The following EMSY variants were observed in gnomAD, a reference collection of about 807,000 sequenced individuals.
EMSY encodes BRCA2-interacting transcriptional repressor EMSY.
In EMSY, 26 loss-of-function variants were observed where a neutral mutation model predicts 134.6. The ratio of observed to expected loss-of-function variants is 0.19; its 90% CI spans 0.14 to 0.27. EMSY has a LOEUF of 0.27. Ranked by LOEUF, EMSY falls within the 10% of genes least tolerant of loss-of-function variation. EMSY has a pLI of 1.00. For missense variants in EMSY, 1,305 were observed against 1,611.4 expected, an observed-to-expected ratio of 0.81 and a Z score of 3.26; for synonymous variants, 579 against 577.8, an observed-to-expected ratio of 1.00 and a Z score of -0.03.
At chr11:76,515,855 A>G (rs1172430779) in intron 10 of EMSY, among the ~76,000 whole-genome samples, 2 of 152,248 alleles carry the variant, frequency 1.3e-5, no homozygotes, top group African/African-American at 4.8e-5. Flanking sequence ...GAAGAAGGGT[A>G]GTGGAAGAAG....
At chr11:76,536,107 C>T (rs202200092) in intron 15 of EMSY, 48 bp downstream of exon 16, 63 of 1,284,344 alleles carry the variant, frequency 4.9e-5, no homozygotes, top group Admixed American at 1.1e-4. Flanking sequence ...TCTCTAGAGA[C>T]GGGTTGTGCT....
chr11:76,518,375 C>T (rs1326076984), intron 11 of EMSY, among the ~76,000 whole-genome samples: 1 of 151,242 alleles, frequency 6.6e-6, no homozygotes, highest in Non-Finnish European at 1.5e-5. Flanking sequence ...GCCATGTTAC[C>T]CAGGCTGGTC....
chr11:76,511,283 T>G (rs1357366212), intron 9 of EMSY, among the ~76,000 whole-genome samples: 1 of 152,200 alleles, frequency 6.6e-6, no homozygotes, highest in East Asian at 1.9e-4. Flanking sequence ...TCCTAGAAAA[T>G]TACCTATTTG....
At position 76,536,071 on chromosome 11, in the gene EMSY, C is replaced by G; in HGVS notation, c.2359+12C>G. 11 of 1,504,844 alleles carry G rather than the reference C, an allele frequency of 7.3e-6. No homozygotes were observed. Among genetic ancestry groups the G allele is most frequent in the Non-Finnish European group, 8.9e-6 (10 of 1,120,734 alleles). The allele number at this position is 1,504,844 out of a possible 1,614,324, so 93.2% of individuals were successfully genotyped here. A position where few individuals can be genotyped will look rare whatever the true frequency, so the allele number is the denominator to read the frequency against. The stretch of plus-strand genomic sequence containing the variant: ...CCAACAGACAACAGGTATGAATTCA[C>G]ATGCTCAATTGAATGAAGCATGTTT... On this transcript the variant is annotated intron_variant, in intron 15 of 20. Transcript: ENST00000334736.
Position 76,464,310 on chromosome 11 carries a change from G to A in EMSY, c.831+230G>A, listed in dbSNP as rs188868180. Among the ~76,000 whole-genome samples the A allele has an allele frequency of 3.3e-5, 5 of 152,242 alleles. No individual in the cohort carries two copies. The East Asian group carries it at 5.8e-4, about 18-fold the overall frequency. On this transcript the variant is annotated intron_variant, in intron 7 of 20. Coordinates refer to ENST00000334736, the Ensembl canonical transcript of EMSY. The stretch of plus-strand genomic sequence containing the variant: ...ATGACTTGCATAATATGACACAGCC[G>A]AATCTCTTCTAAGAATTGTGCTCTA...
At chr11:76,511,335 A>G (rs1374904675) in intron 9 of EMSY, among the ~76,000 whole-genome samples, 3 of 152,118 alleles carry the variant, frequency 2.0e-5, no homozygotes, top group African/African-American at 2.4e-5. Flanking sequence ...GAGCAAAGTC[A>G]TTTTAAGATT....
At chr11:76,473,749 G>A (rs905872496) in intron 8 of EMSY, among the ~76,000 whole-genome samples, 2 of 152,104 alleles carry the variant, frequency 1.3e-5, no homozygotes, top group Admixed American at 1.3e-4. Flanking sequence ...CAGCACTTTG[G>A]GAAGCGGAGG....
intron 2 of EMSY, among the ~76,000 whole-genome samples, chr11:76,448,492 G>T (rs1260463646): frequency 6.6e-6 from 1 of 152,114 alleles, no homozygotes. Context: ...TTGAATTGGG[G>T]TTTCTGGGCT....
At position 76,503,321 on chromosome 11, in the gene EMSY, A is replaced by G. The variant is rs61686022; in HGVS notation, c.1363+6852A>G. On this transcript the variant is annotated intron_variant, in intron 9 of 20. Transcript: ENST00000334736. ...GTCTCAAAAAAAAAAAAAAAAAAAA[A>G]AAGAAGAAGAAGGAGAGGACTCAAA... Among the ~76,000 whole-genome samples, 1,147 of 148,600 alleles carry G rather than the reference A, an allele frequency of 7.7e-3. 21 individuals are homozygous for G. Among genetic ancestry groups the G allele is most frequent in the African/African-American group, 0.028 (1,082 of 38,984 alleles).
intron 10 of EMSY, 97 bp from the exon 12 acceptor site, chr11:76,516,045 G>C: frequency 5.6e-6 from 6 of 1,070,742 alleles, no homozygotes; most frequent in Non-Finnish European, 8.0e-6. Flanking sequence ...TCAAGTTATA[G>C]CAATGTAGAT....
At chr11:76,498,354 T>C (rs1265095441) in intron 9 of EMSY, among the ~76,000 whole-genome samples, 2 of 152,222 alleles carry the variant, frequency 1.3e-5, no homozygotes, top group East Asian at 3.8e-4. Flanking sequence ...TTGATTATGT[T>C]GTTCAGTTCT....
At chr11:76,522,902 A>T (rs1950697798) in intron 11 of EMSY, among the ~76,000 whole-genome samples, 1 of 152,178 alleles carries the variant, frequency 6.6e-6, no homozygotes, top group African/African-American at 2.4e-5. Context: ...TGTTGTTCTT[A>T]GATTCTGAGT....
chr11:76,489,431 T>TAC (rs1188270846), intron 8 of EMSY, among the ~76,000 whole-genome samples: 1 of 151,980 alleles, frequency 6.6e-6, no homozygotes, highest in Non-Finnish European at 1.5e-5. Context: ...TCAGTTTTTA[T>TAC]ACACACACAC....
chr11:76,528,664 C>A (rs999328788), intron 14 of EMSY, among the ~76,000 whole-genome samples, 198 bp downstream of exon 15: 2 of 147,844 alleles, frequency 1.4e-5, no homozygotes, highest in African/African-American at 2.5e-5. Flanking sequence ...ACCATTCTTT[C>A]CTGCATGGAA....
exon 5 of EMSY, chr11:76,458,250 C>A: frequency 6.2e-7 from 1 of 1,614,096 alleles, no homozygotes; most frequent in Non-Finnish European, 8.5e-7. Flanking sequence ...ACTGATGCCC[C>A]GGCTCGTTCC....
intron 11 of EMSY, among the ~76,000 whole-genome samples, chr11:76,521,737 T>C (rs965468909): frequency 1.1e-4 from 17 of 149,322 alleles, no homozygotes; most frequent in Non-Finnish European, 2.1e-4. Context: ...CACTCCAGCC[T>C]GGTAACAGAG....
intron 8 of EMSY, among the ~76,000 whole-genome samples, chr11:76,492,996 G>A (rs1220043516): frequency 6.6e-6 from 1 of 152,168 alleles, no homozygotes; most frequent in Non-Finnish European, 1.5e-5. Context: ...GTGGAAAGGA[G>A]CTACCCGCTG....
chr11:76,449,674 A>G (rs1309467886), intron 2 of EMSY, among the ~76,000 whole-genome samples: 1 of 152,208 alleles, frequency 6.6e-6, no homozygotes, highest in Non-Finnish European at 1.5e-5. Context: ...GTCCTATCAA[A>G]TAAAAACATT....
intron 11 of EMSY, among the ~76,000 whole-genome samples, chr11:76,518,167 C>CTTTTT (rs35911259): frequency 6.7e-5 from 8 of 119,508 alleles, no homozygotes; most frequent in South Asian, 2.8e-4. Flanking sequence ...GAAGTACTTT[C>CTTTTT]TTTTTTTTTT....
Sources: allele counts gnomAD v4.1 joint callset (sites outside exome capture counted in the v4.1 genomes callset), GRCh38; gene constraint gnomAD v4.1.1; transcripts MANE v1.5; gene names NCBI Gene and HGNC (gene_info 2026-07-23, HGNC 2026-07-21).